Variants in ARK2C observed in about 807,000 individuals in gnomAD.
ARK2C encodes E3 ubiquitin-protein ligase ARK2C.
At chr18:46,389,292 T>C in the ARK2C span, among the ~76,000 whole-genome samples, 1 of 152,228 alleles carries the variant, frequency 6.6e-6, no homozygotes, top group East Asian at 1.9e-4. Context: ...TAAATTTCTG[T>C]TATAGAGAAA....
At chr18:46,450,241 G>A in the ARK2C span, 1 of 1,130,984 alleles carries the variant, frequency 8.8e-7, no homozygotes, top group African/African-American at 1.5e-5. Flanking sequence ...TGCATGCTGG[G>A]CTCATGGAGA....
chr18:46,347,410 C>T, the ARK2C span, among the ~76,000 whole-genome samples: 13 of 152,196 alleles, frequency 8.5e-5, no homozygotes, highest in Non-Finnish European at 1.6e-4. Flanking sequence ...TCTGCCCAGC[C>T]GAGCTGCCTG....
chr18:46,355,108 C>T, the ARK2C span, among the ~76,000 whole-genome samples: 1 of 152,012 alleles, frequency 6.6e-6, no homozygotes, highest in African/African-American at 2.4e-5. Context: ...TGCCACCATG[C>T]CTGGCTAATT....
At chr18:46,378,411 C>T in the ARK2C span, among the ~76,000 whole-genome samples, 4 of 152,180 alleles carry the variant, frequency 2.6e-5, no homozygotes, top group African/African-American at 4.8e-5. Flanking sequence ...GGGGCATGTC[C>T]TCCAGCACAT....
chr18:46,455,258 A>C, the ARK2C span, among the ~76,000 whole-genome samples: 1 of 152,218 alleles, frequency 6.6e-6, no homozygotes, highest in African/African-American at 2.4e-5. Flanking sequence ...GGTTGACTGA[A>C]AGAATAAATG....
At chr18:46,377,368 T>C in the ARK2C span, among the ~76,000 whole-genome samples, 1 of 152,118 alleles carries the variant, frequency 6.6e-6, no homozygotes, top group African/African-American at 2.4e-5. Flanking sequence ...AGACACACAA[T>C]GATGTGTGTC....
At chr18:46,347,201 C>T in the ARK2C span, among the ~76,000 whole-genome samples, 2 of 152,224 alleles carry the variant, frequency 1.3e-5, no homozygotes, top group Non-Finnish European at 2.9e-5. Context: ...CTGCGCCTCT[C>T]CCATGTAGGC....
At chr18:46,399,574 G>A in the ARK2C span, among the ~76,000 whole-genome samples, 67 of 152,286 alleles carry the variant, frequency 4.4e-4, no homozygotes, top group Non-Finnish European at 7.9e-4. Context: ...ATGGGAAAAC[G>A]GTGAGGCAAT....
the ARK2C span, chr18:46,450,381 C>T: frequency 6.2e-7 from 1 of 1,612,494 alleles, no homozygotes; most frequent in Non-Finnish European, 8.5e-7. Context: ...CACACCTCCG[C>T]CGTACGGGAG....
the ARK2C span, among the ~76,000 whole-genome samples, chr18:46,440,419 C>G: frequency 2.6e-5 from 4 of 152,172 alleles, no homozygotes; most frequent in Admixed American, 1.3e-4. Flanking sequence ...TGTGAATATA[C>G]AGTATAGGAA....
chr18:46,439,997 T>G, the ARK2C span, among the ~76,000 whole-genome samples: 1 of 152,160 alleles, frequency 6.6e-6, no homozygotes, highest in Admixed American at 6.5e-5. Context: ...ACCCAGCTAA[T>G]TTTTGTATTT....
chr18:46,391,077 G>A, the ARK2C span, among the ~76,000 whole-genome samples: 2 of 152,138 alleles, frequency 1.3e-5, no homozygotes, highest in African/African-American at 4.8e-5. Context: ...TTGTTGGCTG[G>A]GTGGCTGTGG....
At chr18:46,386,526 C>T in the ARK2C span, 1 of 146,566 alleles carries the variant, frequency 6.8e-6, no homozygotes, top group African/African-American at 2.5e-5. Flanking sequence ...GCTAAGCTAT[C>T]TTATGTCTTG....
the ARK2C span, among the ~76,000 whole-genome samples, chr18:46,424,391 A>G: frequency 6.6e-6 from 1 of 152,204 alleles, no homozygotes; most frequent in South Asian, 2.1e-4. Context: ...TGGAATGCTT[A>G]GAACTGTGCT....
chr18:46,384,433 G>C, the ARK2C span, among the ~76,000 whole-genome samples: 2 of 152,190 alleles, frequency 1.3e-5, no homozygotes, highest in African/African-American at 2.4e-5. Context: ...GCTGGGGCTT[G>C]GGAGGCCCCT....
the ARK2C span, among the ~76,000 whole-genome samples, chr18:46,338,251 A>T: frequency 2.6e-5 from 4 of 152,332 alleles, no homozygotes; most frequent in Non-Finnish European, 5.9e-5. Flanking sequence ...TTCTATGTGC[A>T]TATTTAAATT....
At chr18:46,368,506 T>C in the ARK2C span, among the ~76,000 whole-genome samples, 1 of 152,196 alleles carries the variant, frequency 6.6e-6, no homozygotes. Flanking sequence ...CAGGTCACCT[T>C]GATCAAAGCT....
At chr18:46,335,939 G>C in the ARK2C span, 1 of 985,320 alleles carries the variant, frequency 1.0e-6, no homozygotes, top group South Asian at 4.7e-5. Flanking sequence ...TTCTGCCTCC[G>C]CATTTAGCTG....
the ARK2C span, among the ~76,000 whole-genome samples, chr18:46,378,507 A>G: frequency 1.3e-5 from 2 of 152,170 alleles, no homozygotes; most frequent in African/African-American, 4.8e-5. Flanking sequence ...CCAAACTGGA[A>G]AGGCTTCGGG....
Sources: allele counts gnomAD v4.1 joint callset (sites outside exome capture counted in the v4.1 genomes callset), GRCh38; gene constraint gnomAD v4.1.1; transcripts MANE v1.5; gene names NCBI Gene and HGNC (gene_info 2026-07-23, HGNC 2026-07-21).